SORCS2: variants seen among roughly 807,000 people sequenced by gnomAD.
SORCS2 encodes the protein sortilin related VPS10 domain containing receptor 2, also known as VPS10 domain-containing receptor SorCS2.
A neutral mutation model predicts 141.6 loss-of-function variants in SORCS2; 100 were observed. The observed-to-expected ratio is 0.71, with a 90% CI of 0.60 to 0.83. The LOEUF is 0.83. Among genes scored for constraint, SORCS2 ranks in the 40% least tolerant of loss-of-function variants. The pLI is 0.00. For missense variants in SORCS2, 1,646 were observed against 1,560.2 expected (o/e 1.05, Z -0.93); for synonymous variants, 789 against 676.9 (o/e 1.17, Z -2.57).
chr4:7,516,587 C>A (rs1270539213), intron 2 of SORCS2, among the ~76,000 whole-genome samples: 1 of 152,146 alleles, frequency 6.6e-6, no homozygotes, highest in Non-Finnish European at 1.5e-5. Context: ...GGGGGCGGTG[C>A]TGCTTTTCCT....
chr4:7,735,780 G>A (rs942053198), intron 25 of SORCS2, among the ~76,000 whole-genome samples: 1 of 152,288 alleles, frequency 6.6e-6, no homozygotes, highest in Admixed American at 6.5e-5. Context: ...AAATGACACT[G>A]TCCTCTACCA....
At chr4:7,679,437 C>T (rs766649202) in intron 9 of SORCS2, among the ~76,000 whole-genome samples, 6 of 152,212 alleles carry the variant, frequency 3.9e-5, no homozygotes, top group African/African-American at 9.7e-5. Context: ...GGGATTTTTG[C>T]AGCGTCATGA....
At chr4:7,543,855 T>TCCACCCAC (rs1327722896) in intron 3 of SORCS2, among the ~76,000 whole-genome samples, 1 of 86,488 alleles carries the variant, frequency 1.2e-5, no homozygotes, top group African/African-American at 4.3e-5. Flanking sequence ...CATCCGTCCA[T>TCCACCCAC]CCATCCACCC....
At chr4:7,609,795 G>A (rs753480789) in intron 3 of SORCS2, among the ~76,000 whole-genome samples, 6 of 152,320 alleles carry the variant, frequency 3.9e-5, no homozygotes, top group Admixed American at 6.5e-5. Context: ...TCTCCGCTGC[G>A]CACTCTCATG....
intron 3 of SORCS2, among the ~76,000 whole-genome samples, chr4:7,558,796 G>A (rs1022068830): frequency 2.6e-5 from 4 of 152,168 alleles, no homozygotes; most frequent in Non-Finnish European, 4.4e-5. Context: ...TCCCAAGGGG[G>A]CTGTCCCTGG....
intron 1 of SORCS2, among the ~76,000 whole-genome samples, chr4:7,299,593 T>C (rs1318870554): frequency 1.3e-5 from 2 of 152,246 alleles, no homozygotes; most frequent in African/African-American, 4.8e-5. Context: ...GGTTGGTTTC[T>C]GTTGTCCTTT....
chr4:7,580,496 A>G lies in SORCS2; in HGVS notation c.648+48867A>G, dbSNP rs1218925237. 2.0e-5 allele frequency among the ~76,000 whole-genome samples: 3 copies of G among 152,226 alleles called. No homozygotes were observed. In the East Asian group the frequency reaches 5.8e-4, roughly 29 times the overall value. Reference sequence around the variant, plus strand: ...CACAGCAAGACTCAGAAAAAAAAAAAGGAAAAAGAAATTGTTTTGCATAGT... The same window carrying G: ...CACAGCAAGACTCAGAAAAAAAAAAGGGAAAAAGAAATTGTTTTGCATAGT... On this transcript the variant is annotated intron_variant, in intron 3 of 26. Transcript: ENST00000507866.
At chr4:7,271,559 G>C (rs982193275) in intron 1 of SORCS2, among the ~76,000 whole-genome samples, 1 of 152,130 alleles carries the variant, frequency 6.6e-6, no homozygotes, top group Non-Finnish European at 1.5e-5. Context: ...CCTTTCTCAC[G>C]TTTCTTTCCA....
chr4:7,203,084 G>T (rs1028115863), intron 1 of SORCS2, among the ~76,000 whole-genome samples: 3 of 152,198 alleles, frequency 2.0e-5, no homozygotes, highest in African/African-American at 7.2e-5. Context: ...CAGCTAGTGA[G>T]GATCTGAGCT....
Position 7,676,093 on chromosome 4 carries a change from C to T in SORCS2, c.1205C>T (p.Ala402Val), listed in dbSNP as rs892685664. ...ISTDESQVFV[A>V]VQEWYQMDTY... ...ACGGACGAGAGTCAGGTGTTCGTGGCGGTGCAGGAGTGGTACCAGATGGAC... is the reference window on the plus strand; with the variant it reads ...ACGGACGAGAGTCAGGTGTTCGTGGTGGTGCAGGAGTGGTACCAGATGGAC... Residue 402 changes from alanine (A) to valine (V), a missense_variant, in exon 9 of 27, where the codon GCG becomes GTG. By Grantham distance (64) the Ala-to-Val change is moderately conservative (BLOSUM62 0). Coordinates refer to ENST00000507866, the MANE Select transcript of SORCS2 (RefSeq NM_020777.3). 1.5e-5 allele frequency: 24 copies of T among 1,588,494 alleles called. No individual in the cohort carries two copies. Among genetic ancestry groups the T allele is most frequent in the East Asian group, 4.6e-5 (2 of 43,684 alleles).
chr4:7,371,090 C>A (rs1432945068), intron 1 of SORCS2, among the ~76,000 whole-genome samples: 2 of 152,208 alleles, frequency 1.3e-5, no homozygotes, highest in African/African-American at 2.4e-5. Context: ...GGGAGCAGGT[C>A]TCTGTAGAGT....
At chr4:7,583,224 A>G (rs917012114) in intron 3 of SORCS2, among the ~76,000 whole-genome samples, 9 of 152,136 alleles carry the variant, frequency 5.9e-5, no homozygotes, top group African/African-American at 2.2e-4. Flanking sequence ...AGAATTCCCA[A>G]GCATCCAGTG....
intron 2 of SORCS2, among the ~76,000 whole-genome samples, chr4:7,403,978 TATATATATATATATATATA>T (rs1448527471): frequency 0.017 from 274 of 15,690 alleles, 10 homozygotes; most frequent in Non-Finnish European, 0.02. Flanking sequence ...TATATATATA[TATATATATATATATATATA>T]TTTTTTTTTT....
intron 3 of SORCS2, among the ~76,000 whole-genome samples, chr4:7,628,237 G>T (rs1422943472): frequency 6.6e-6 from 1 of 152,144 alleles, no homozygotes; most frequent in Non-Finnish European, 1.5e-5. Context: ...AATGTTAAAA[G>T]TTCGGCCAGG....
At chr4:7,423,651 C>T (rs751639100) in intron 2 of SORCS2, among the ~76,000 whole-genome samples, 2 of 152,256 alleles carry the variant, frequency 1.3e-5, no homozygotes, top group Admixed American at 6.5e-5. Context: ...AGGTCAGTTT[C>T]GTGCCCAGGA....
At chr4:7,397,076 T>G (rs1485907581) in intron 2 of SORCS2, among the ~76,000 whole-genome samples, 1 of 152,254 alleles carries the variant, frequency 6.6e-6, no homozygotes, top group African/African-American at 2.4e-5. Context: ...TCTCTGGGTG[T>G]GAAACCATTT....
intron 1 of SORCS2, among the ~76,000 whole-genome samples, chr4:7,358,910 C>G (rs1017147155): frequency 1.3e-5 from 2 of 151,880 alleles, no homozygotes; most frequent in Non-Finnish European, 2.9e-5. Context: ...GTGATCACAG[C>G]TCACTGCAGT....
At chr4:7,195,775 T>C (rs1340904621) in intron 1 of SORCS2, among the ~76,000 whole-genome samples, 1 of 152,236 alleles carries the variant, frequency 6.6e-6, no homozygotes, top group African/African-American at 2.4e-5. Context: ...GATTTGGCAG[T>C]GGGTTTCACG....
chr4:7,511,822 G>C (rs1732672667), intron 2 of SORCS2, among the ~76,000 whole-genome samples: 1 of 152,172 alleles, frequency 6.6e-6, no homozygotes, highest in African/African-American at 2.4e-5. Flanking sequence ...ATTCAGGCAA[G>C]CTTTGGCCTG....
Sources: allele counts gnomAD v4.1 joint callset (sites outside exome capture counted in the v4.1 genomes callset), GRCh38; gene constraint gnomAD v4.1.1; transcripts MANE v1.5; gene names NCBI Gene and HGNC (gene_info 2026-07-23, HGNC 2026-07-21).